Variants in SAXO1 observed in about 807,000 individuals in gnomAD.
SAXO1 encodes 4930500O09Rik.
A neutral mutation model predicts 17.5 loss-of-function variants in SAXO1; 21 were observed. That is an observed-to-expected ratio of 1.20 (90% CI 0.85 to 1.72). The LOEUF (loss-of-function observed/expected upper bound fraction) is 1.72. SAXO1 is among the 40% of genes most tolerant of loss of function. The pLI, the probability that SAXO1 is intolerant of heterozygous loss-of-function variation, is 0.00. For synonymous variants in SAXO1, 274 were observed against 216.5 expected, an observed-to-expected ratio of 1.27 and a Z score of -2.33; for missense variants, 843 against 596.0, an observed-to-expected ratio of 1.41 and a Z score of -4.32.
At chr9:19,000,115 CACCTCT>C (rs1834193188) in intron 1 of SAXO1, among the ~76,000 whole-genome samples, 2 of 149,254 alleles carry the variant, frequency 1.3e-5, no homozygotes, top group South Asian at 2.1e-4. Flanking sequence ...AAGTGAGGAG[CACCTCT>C]GTCCGGCTGT....
intron 2 of SAXO1, among the ~76,000 whole-genome samples, chr9:18,942,639 G>C (rs1301172566): frequency 1.3e-5 from 2 of 152,188 alleles, no homozygotes; most frequent in African/African-American, 4.8e-5. Context: ...GTTTCAGGGA[G>C]TACCAAAACA....
intron 1 of SAXO1, among the ~76,000 whole-genome samples, chr9:18,999,308 G>A (rs112683540): frequency 8.1e-4 from 123 of 152,346 alleles, no homozygotes; most frequent in African/African-American, 2.7e-3. Flanking sequence ...TGTCTGGGAT[G>A]TGAGGAGTGC....
intron 1 of SAXO1, among the ~76,000 whole-genome samples, chr9:18,981,193 T>A (rs967239097): frequency 1.3e-5 from 2 of 152,230 alleles, no homozygotes; most frequent in African/African-American, 4.8e-5. Flanking sequence ...GTGATTGCGA[T>A]AATTAAATAC....
chr9:19,031,432 T>C (rs2131052238), intron 1 of SAXO1, among the ~76,000 whole-genome samples: 1 of 152,234 alleles, frequency 6.6e-6, no homozygotes, highest in Admixed American at 6.5e-5. Flanking sequence ...CATGGTGGCA[T>C]GTGCCTGTAA....
chr9:18,997,306 T>G (rs1834047612), intron 1 of SAXO1, among the ~76,000 whole-genome samples: 1 of 152,246 alleles, frequency 6.6e-6, no homozygotes, highest in South Asian at 2.1e-4. Context: ...TGTGCCTGGC[T>G]AGACAGGTCA....
chr9:18,984,211 T>C (rs1299136821), intron 1 of SAXO1, among the ~76,000 whole-genome samples: 6 of 152,230 alleles, frequency 3.9e-5, no homozygotes, highest in Non-Finnish European at 8.8e-5. Context: ...GTTCCATTTA[T>C]AGGGCATAGG....
chr9:18,971,151 C>G (rs1296858769), intron 1 of SAXO1, among the ~76,000 whole-genome samples: 3 of 152,188 alleles, frequency 2.0e-5, no homozygotes, highest in Admixed American at 2.0e-4. Context: ...CCGAGTGGGG[C>G]CTTTCTGCAG....
intron 1 of SAXO1, among the ~76,000 whole-genome samples, chr9:18,970,811 G>C (rs1832916895): frequency 6.6e-6 from 1 of 152,196 alleles, no homozygotes; most frequent in Admixed American, 6.5e-5. Context: ...GAGTCCTCAA[G>C]TGCCTTCTGA....
intron 1 of SAXO1, among the ~76,000 whole-genome samples, chr9:18,952,490 G>A (rs547177794): frequency 2.0e-5 from 3 of 152,248 alleles, no homozygotes; most frequent in East Asian, 1.9e-4. Context: ...TTGTTACTAT[G>A]TACATCTCGT....
At chr9:18,934,709 G>A (rs887411554) in intron 3 of SAXO1, among the ~76,000 whole-genome samples, 4 of 152,126 alleles carry the variant, frequency 2.6e-5, no homozygotes, top group Non-Finnish European at 5.9e-5. Flanking sequence ...CCATGCATGG[G>A]TCATACTTCC....
chr9:19,024,326 TAAG>T (rs1452205002), intron 1 of SAXO1, among the ~76,000 whole-genome samples: 1 of 151,226 alleles, frequency 6.6e-6, no homozygotes, highest in Non-Finnish European at 1.5e-5. Flanking sequence ...ACACCAACCT[TAAG>T]AATATCGCAA....
chr9:18,939,122 G>A (rs764727435), intron 3 of SAXO1, among the ~76,000 whole-genome samples: 19 of 152,116 alleles, frequency 1.2e-4, no homozygotes, highest in Admixed American at 2.6e-4. Flanking sequence ...AGGCGAGTCC[G>A]CCATCGGATA....
chr9:19,007,700 T>C (rs1307807795), intron 1 of SAXO1, among the ~76,000 whole-genome samples: 4 of 131,566 alleles, frequency 3.0e-5, no homozygotes, highest in Admixed American at 7.1e-5. Flanking sequence ...TGCTACCTGT[T>C]TTTCTACAGC....
At chr9:19,007,527 G>C (rs1433077370) in intron 1 of SAXO1, among the ~76,000 whole-genome samples, 2 of 152,148 alleles carry the variant, frequency 1.3e-5, no homozygotes, top group African/African-American at 4.8e-5. Context: ...TCTTTTAGAA[G>C]TTTAGATTCT....
At chr9:18,972,313 C>T (rs576799504) in intron 1 of SAXO1, among the ~76,000 whole-genome samples, 98 of 152,264 alleles carry the variant, frequency 6.4e-4, no homozygotes, top group African/African-American at 2.3e-3. Flanking sequence ...TCTTCTTTTT[C>T]TCATCTCAAA....
At chr9:18,929,712 C>A (rs1433537328) in intron 3 of SAXO1, among the ~76,000 whole-genome samples, 1 of 152,226 alleles carries the variant, frequency 6.6e-6, no homozygotes, top group African/African-American at 2.4e-5. Context: ...AATCTTCAGA[C>A]TGTCCTAATA....
intron 1 of SAXO1, among the ~76,000 whole-genome samples, chr9:19,023,087 C>A (rs1052944381): frequency 6.6e-6 from 1 of 152,066 alleles, no homozygotes; most frequent in Non-Finnish European, 1.5e-5. Flanking sequence ...GAAGTCTTTG[C>A]AAACCATTCT....
At chr9:18,959,987 T>C (rs932271232) in intron 1 of SAXO1, among the ~76,000 whole-genome samples, 3 of 151,958 alleles carry the variant, frequency 2.0e-5, no homozygotes, top group African/African-American at 7.3e-5. Flanking sequence ...CCTGTTGGAA[T>C]GGGCAGGCAG....
At chr9:19,019,593 G>T (rs774573910) in intron 1 of SAXO1, among the ~76,000 whole-genome samples, 3 of 152,062 alleles carry the variant, frequency 2.0e-5, no homozygotes, top group Non-Finnish European at 4.4e-5. Context: ...CCCAGGCATG[G>T]TGGTGCATGC....
Sources: allele counts gnomAD v4.1 joint callset (sites outside exome capture counted in the v4.1 genomes callset), GRCh38; gene constraint gnomAD v4.1.1; transcripts MANE v1.5; gene names NCBI Gene and HGNC (gene_info 2026-07-23, HGNC 2026-07-21).